Variants in NT5C2 observed in about 807,000 individuals in gnomAD.
NT5C2 encodes cytosolic purine 5'-nucleotidase.
Under a neutral mutation model 76.1 loss-of-function variants are expected in NT5C2, and 58 were observed. The observed-to-expected ratio is 0.76, with a 90% CI of 0.62 to 0.95. The LOEUF (loss-of-function observed/expected upper bound fraction) is 0.95. Ranked by LOEUF, NT5C2 falls within the 40% of genes least tolerant of loss-of-function variation. The pLI is 0.00. For synonymous variants in NT5C2, 229 were observed against 237.4 expected (o/e 0.96, Z 0.32); for missense variants, 478 against 690.3 (o/e 0.69, Z 3.45).
At chr10:103,119,696 T>G (rs2075254566) in intron 4 of NT5C2, among the ~76,000 whole-genome samples, 1 of 152,220 alleles carries the variant, frequency 6.6e-6, no homozygotes, top group South Asian at 2.1e-4. Flanking sequence ...CTATCAATAG[T>G]AAGTTCAGCT....
chr10:103,126,850 C>G (rs1480126810), intron 4 of NT5C2, among the ~76,000 whole-genome samples: 1 of 152,096 alleles, frequency 6.6e-6, no homozygotes, highest in Non-Finnish European at 1.5e-5. Flanking sequence ...CTTGATGTAT[C>G]ACCCAGGAGG....
rs147843476 is a variant in NT5C2 at position 103,148,662 on chromosome 10, G to A, written c.102-9183C>T. Among the ~76,000 whole-genome samples the A allele has an allele frequency of 5.4e-3, 817 of 150,480 alleles. 7 individuals carry two copies. Among genetic ancestry groups the A allele is most frequent in the Middle Eastern group, 0.014 (4 of 280 alleles). ...TAAAAATCTGAACAGTGCTCACTTC[G>A]GCAGCACACACACTAAAAATCTGAA... On this transcript the variant is annotated intron_variant, in intron 3 of 18. Coordinates refer to ENST00000404739, the MANE Select transcript of NT5C2 (RefSeq NM_001351169.2).
chr10:103,090,504 T>C (rs1173453605), intron 18 of NT5C2, 107 bp downstream of exon 18: 1 of 1,012,690 alleles, frequency 9.9e-7, no homozygotes, highest in African/African-American at 1.6e-5. Flanking sequence ...CTGGGCTCTG[T>C]ACATCAGAAA....
intron 4 of NT5C2, among the ~76,000 whole-genome samples, chr10:103,138,109 G>A (rs750292278): frequency 6.6e-6 from 1 of 152,170 alleles, no homozygotes; most frequent in Non-Finnish European, 1.5e-5. Flanking sequence ...GATTCTACAA[G>A]TTAAAAAAGA....
chr10:103,110,437 C>T (rs1363545959), intron 4 of NT5C2, among the ~76,000 whole-genome samples: 1 of 152,156 alleles, frequency 6.6e-6, no homozygotes, highest in African/African-American at 2.4e-5. Context: ...GTCTGGGCAA[C>T]AGAGTGAGAC....
chr10:103,098,207 C>T (rs2068673570), intron 10 of NT5C2: 1 of 386,380 alleles, frequency 2.6e-6, no homozygotes. Context: ...TATATTCTTC[C>T]TCCAGTTTCC....
chr10:103,183,262 GATATATATATATATATAT>G (rs201371414), intron 1 of NT5C2, among the ~76,000 whole-genome samples: 11 of 73,344 alleles, frequency 1.5e-4, no homozygotes, highest in South Asian at 5.1e-4. Context: ...GTGTGTGTGT[GATATATATATATATATAT>G]ATATATATAT....
chr10:103,147,411 T>C (rs2081662897), intron 3 of NT5C2, among the ~76,000 whole-genome samples: 1 of 152,240 alleles, frequency 6.6e-6, no homozygotes, highest in South Asian at 2.1e-4. Flanking sequence ...GCCACCTCAG[T>C]TATCTCTAAT....
At chr10:103,132,265 C>T (rs1223777606) in intron 4 of NT5C2, among the ~76,000 whole-genome samples, 1 of 149,208 alleles carries the variant, frequency 6.7e-6, no homozygotes, top group African/African-American at 2.5e-5. Flanking sequence ...AGTGTCATAG[C>T]AATGAAAGAG....
At chr10:103,097,411 C>T (rs1564940423) in intron 10 of NT5C2, 37 bp from the exon 11 acceptor site, 18 of 1,526,664 alleles carry the variant, frequency 1.2e-5, no homozygotes, top group Non-Finnish European at 1.5e-5. Flanking sequence ...AACACGAAAA[C>T]ATTTTTATCT....
chr10:103,157,747 A>G (rs947008339), intron 3 of NT5C2, among the ~76,000 whole-genome samples: 6 of 152,178 alleles, frequency 3.9e-5, no homozygotes, highest in Non-Finnish European at 7.3e-5. Flanking sequence ...ATGTTCTACA[A>G]CCACAATGGA....
rs374156964 is a variant in NT5C2 at position 103,089,879 on chromosome 10, T to A, written c.1479A>T (p.Thr493=). The A allele has an allele frequency of 1.9e-6, 3 of 1,611,764 alleles. No homozygotes were observed. The African/African-American group carries it at 4.0e-5, about 22-fold the overall frequency. ...LMPHESTVEH[T]HVDINEMESP... Reference sequence around the variant, plus strand: ...ACTCCATCTCATTGATATCTACGTGTGTGTGCTCCACCGTTGATTCATGAG... The same window carrying A: ...ACTCCATCTCATTGATATCTACGTGAGTGTGCTCCACCGTTGATTCATGAG... Residue 493 remains threonine (T), a synonymous_variant, in exon 19 of 19, where the codon ACA becomes ACT. Transcript: ENST00000404739.
chr10:103,176,444 T>G (rs2089965101), intron 2 of NT5C2, among the ~76,000 whole-genome samples: 1 of 152,168 alleles, frequency 6.6e-6, no homozygotes, highest in Non-Finnish European at 1.5e-5. Flanking sequence ...CCCAAATCCC[T>G]GAGCCAGAAG....
chr10:103,104,718 A>T (rs2070744424), intron 6 of NT5C2, among the ~76,000 whole-genome samples: 2 of 152,300 alleles, frequency 1.3e-5, no homozygotes, highest in East Asian at 1.9e-4. Context: ...AGATGCTTCA[A>T]TTCTAAGGGG....
intron 2 of NT5C2, among the ~76,000 whole-genome samples, chr10:103,179,865 CTTAAT>C (rs1418735212): frequency 1.3e-5 from 2 of 152,186 alleles, no homozygotes; most frequent in African/African-American, 4.8e-5. Flanking sequence ...TGTTTGTATA[CTTAAT>C]TTAAGTCCCT....
At chr10:103,091,996 T>A (rs1220547647) in intron 15 of NT5C2, among the ~76,000 whole-genome samples, 1 of 152,218 alleles carries the variant, frequency 6.6e-6, no homozygotes, top group East Asian at 1.9e-4. Flanking sequence ...ATCAGGTGAC[T>A]TTTCCTGAGT....
At chr10:103,120,919 G>C (rs1797820182) in intron 4 of NT5C2, among the ~76,000 whole-genome samples, 1 of 152,138 alleles carries the variant, frequency 6.6e-6, no homozygotes, top group Non-Finnish European at 1.5e-5. Context: ...CAGATGAACA[G>C]ATAAACAAAT....
chr10:103,120,174 TA>T (rs2075378632), intron 4 of NT5C2, among the ~76,000 whole-genome samples: 1 of 151,768 alleles, frequency 6.6e-6, no homozygotes, highest in African/African-American at 2.4e-5. Context: ...GTTAAAACTA[TA>T]AAACTCTTAG....
At chr10:103,099,804 G>T in intron 9 of NT5C2, 122 bp downstream of exon 9, 1 of 586,822 alleles carries the variant, frequency 1.7e-6, no homozygotes, top group Non-Finnish European at 3.0e-6. Context: ...ATCACTAGGC[G>T]GGGGCAAATC....
Sources: gnomAD v4.1 joint callset for allele counts (sites outside exome capture counted in the v4.1 genomes callset) on GRCh38, gnomAD v4.1.1 for gene constraint, MANE v1.5 for transcripts, NCBI Gene and HGNC (gene_info 2026-07-23, HGNC 2026-07-21) for gene names.